The following ADGRL2 variants were observed in gnomAD, a reference collection of about 807,000 sequenced individuals.
ADGRL2 encodes calcium-independent alpha-latrotoxin receptor 2.
A neutral mutation model predicts 157.4 loss-of-function variants in ADGRL2; 44 were observed. The observed-to-expected ratio is 0.28, with a 90% CI of 0.22 to 0.36. The LOEUF (loss-of-function observed/expected upper bound fraction) is 0.36, where lower values mean the gene tolerates loss of function less well. ADGRL2 is among the 10% of genes least tolerant of loss of function. The pLI, the probability that ADGRL2 is intolerant of heterozygous loss-of-function variation, is 1.00. For missense variants in ADGRL2, 1,510 were observed against 1,768.9 expected (o/e 0.85, Z 2.63); for synonymous variants, 585 against 624.7 (o/e 0.94, Z 0.95).
At chr1:81,509,962 T>C (rs905321039) in intron 2 of ADGRL2, among the ~76,000 whole-genome samples, 5 of 152,198 alleles carry the variant, frequency 3.3e-5, no homozygotes, top group African/African-American at 4.8e-5. Context: ...TCCAAGTCTT[T>C]CACTAAACAC....
At chr1:81,780,707 A>G (rs1498212) in intron 2 of ADGRL2, among the ~76,000 whole-genome samples, 98,623 of 152,080 alleles carry the variant, frequency 0.65, 32,693 homozygotes, top group East Asian at 0.97. Context: ...AATAATGGTT[A>G]TGTAAGGTGG....
intron 1 of ADGRL2, among the ~76,000 whole-genome samples, chr1:81,382,385 T>C (rs2076358852): frequency 6.6e-6 from 1 of 152,194 alleles, no homozygotes; most frequent in Admixed American, 6.5e-5. Context: ...AATCTGAATG[T>C]CCATTAAGTA....
intron 2 of ADGRL2, among the ~76,000 whole-genome samples, chr1:81,856,792 T>A (rs549006667): frequency 6.6e-6 from 1 of 152,074 alleles, no homozygotes; most frequent in East Asian, 1.9e-4. Flanking sequence ...TTGTAGGGCA[T>A]ACTTAATTAC....
At chr1:81,622,377 T>C (rs2081812975) in intron 3 of ADGRL2, among the ~76,000 whole-genome samples, 1 of 151,164 alleles carries the variant, frequency 6.6e-6, no homozygotes, top group Non-Finnish European at 1.5e-5. Flanking sequence ...GGTCAAGAGA[T>C]AGAGACCATC....
chr1:81,311,246 CTGT>C (rs565568611), intron 1 of ADGRL2, among the ~76,000 whole-genome samples: 473 of 152,236 alleles, frequency 3.1e-3, no homozygotes, highest in African/African-American at 0.01. Flanking sequence ...CTGTTTGTTA[CTGT>C]TGTTGTTGTT....
intron 2 of ADGRL2, among the ~76,000 whole-genome samples, chr1:81,779,766 G>C (rs958557034): frequency 4.6e-5 from 7 of 152,260 alleles, no homozygotes; most frequent in Non-Finnish European, 8.8e-5. Flanking sequence ...AGAGCATATG[G>C]TTGCTTTTCC....
At chr1:81,528,302 CCCA>C (rs2079513609) in intron 2 of ADGRL2, among the ~76,000 whole-genome samples, 1 of 152,080 alleles carries the variant, frequency 6.6e-6, no homozygotes, top group Non-Finnish European at 1.5e-5. Flanking sequence ...AATGAGTGAT[CCCA>C]TGAGTGCTAT....
chr1:81,642,608 T>C (rs1322600808), intron 3 of ADGRL2, among the ~76,000 whole-genome samples: 1 of 151,954 alleles, frequency 6.6e-6, no homozygotes, highest in Admixed American at 6.6e-5. Flanking sequence ...ACCAAATATT[T>C]AAGGAAAGAT....
At chr1:81,806,567 G>A (rs2089187643) in intron 1 of ADGRL2, among the ~76,000 whole-genome samples, 2 of 151,930 alleles carry the variant, frequency 1.3e-5, no homozygotes, top group Admixed American at 6.5e-5. Context: ...AAGGTCAAGA[G>A]GTAACTAGAA....
At chr1:81,421,562 T>A (rs2077124965) in intron 1 of ADGRL2, among the ~76,000 whole-genome samples, 1 of 152,218 alleles carries the variant, frequency 6.6e-6, no homozygotes, top group African/African-American at 2.4e-5. Flanking sequence ...ATACTGCATG[T>A]GCTTTCAAGG....
chr1:81,589,662 A>G (rs2081094502), intron 3 of ADGRL2, among the ~76,000 whole-genome samples: 1 of 152,142 alleles, frequency 6.6e-6, no homozygotes, highest in Non-Finnish European at 1.5e-5. Context: ...TATCCTTTAA[A>G]TCTTTGAGAC....
At chr1:81,310,105 A>G (rs1203402828) in intron 1 of ADGRL2, among the ~76,000 whole-genome samples, 1 of 152,156 alleles carries the variant, frequency 6.6e-6, no homozygotes, top group Non-Finnish European at 1.5e-5. Context: ...GCCAAAATAC[A>G]CCAGCACATT....
At chr1:81,348,048 T>G (rs1036074671) in intron 1 of ADGRL2, among the ~76,000 whole-genome samples, 1 of 152,180 alleles carries the variant, frequency 6.6e-6, no homozygotes. Flanking sequence ...CTCCTTTGTT[T>G]CAGCCAACCA....
intron 3 of ADGRL2, among the ~76,000 whole-genome samples, chr1:81,604,941 C>A (rs926578671): frequency 6.6e-6 from 1 of 152,210 alleles, no homozygotes; most frequent in Admixed American, 6.5e-5. Context: ...TTCATTTTTA[C>A]CACCATTGGT....
At position 81,984,897 on chromosome 1, in the gene ADGRL2, G is replaced by A. The variant is rs143876690; in HGVS notation, c.3411+186G>A. On this transcript the variant is annotated intron_variant, in intron 20 of 23. Coordinates refer to ENST00000686636, the MANE Select transcript of ADGRL2 (RefSeq NM_001366006.2). ...CTTCAGTGTTTCTTTATATGTGAACGTCCTTTTTTGTGGAGAGTTATTTAA... is the reference window on the plus strand; with the variant it reads ...CTTCAGTGTTTCTTTATATGTGAACATCCTTTTTTGTGGAGAGTTATTTAA... Among the ~76,000 whole-genome samples the A allele has an allele frequency of 4.2e-3, 642 of 152,032 alleles. 12 individuals are homozygous for A. Among genetic ancestry groups the A allele is most frequent in the South Asian group, 6.2e-4 (3 of 4,826 alleles).
At chr1:81,968,290 G>A (rs150776623) in intron 14 of ADGRL2, 91 bp downstream of exon 14, 13 of 1,109,304 alleles carry the variant, frequency 1.2e-5, no homozygotes, top group East Asian at 4.8e-5. Flanking sequence ...GGTGCTTACC[G>A]TAACTAAAAA....
chr1:81,440,389 A>C (rs1243447069), intron 1 of ADGRL2, among the ~76,000 whole-genome samples: 2 of 152,200 alleles, frequency 1.3e-5, no homozygotes, highest in Non-Finnish European at 2.9e-5. Flanking sequence ...ATGATTGTGT[A>C]GGAATCAGTA....
chr1:81,930,967 A>G (rs2148766751), intron 3 of ADGRL2, among the ~76,000 whole-genome samples: 1 of 152,218 alleles, frequency 6.6e-6, no homozygotes, highest in Middle Eastern at 3.4e-3. Context: ...CCTCGTCTCT[A>G]CTGGAAAAAA....
intron 1 of ADGRL2, among the ~76,000 whole-genome samples, chr1:81,348,231 G>A (rs569720388): frequency 1.3e-5 from 2 of 152,236 alleles, no homozygotes; most frequent in South Asian, 2.1e-4. Flanking sequence ...AGCTTCTCCT[G>A]TAGCTAAGAG....
Sources: gnomAD v4.1 joint callset for allele counts (sites outside exome capture counted in the v4.1 genomes callset) on GRCh38, gnomAD v4.1.1 for gene constraint, MANE v1.5 for transcripts, NCBI Gene and HGNC (gene_info 2026-07-23, HGNC 2026-07-21) for gene names.